The following SULT1B1 variants were observed in gnomAD, a reference collection of about 807,000 sequenced individuals.
SULT1B1 encodes sulfotransferase family 1B member 1.
In SULT1B1, 28 loss-of-function variants were observed where a neutral mutation model predicts 34.6. That is an observed-to-expected ratio of 0.81 (90% CI 0.60 to 1.11). SULT1B1 has a LOEUF of 1.11. Among genes scored for constraint, SULT1B1 ranks in the 50% least tolerant of loss-of-function variants. The pLI, the probability that SULT1B1 is intolerant of heterozygous loss-of-function variation, is 0.00. For missense variants in SULT1B1, 374 were observed against 352.2 expected (o/e 1.06, Z -0.50); for synonymous variants, 147 against 110.2 (o/e 1.33, Z -2.09).
At chr4:69,759,019 A>T (rs1373271815) in intron 1 of SULT1B1, among the ~76,000 whole-genome samples, 2 of 152,208 alleles carry the variant, frequency 1.3e-5, no homozygotes, top group Non-Finnish European at 2.9e-5. Context: ...TTAAAACTTG[A>T]GCAAATGACT....
chr4:69,746,625 T>C (rs890239489), intron 4 of SULT1B1, among the ~76,000 whole-genome samples: 5 of 152,232 alleles, frequency 3.3e-5, no homozygotes, highest in African/African-American at 9.6e-5. Flanking sequence ...ATTCCTTGGA[T>C]TGGGTTTCAA....
In SULT1B1 at chr4:69,725,082, G is replaced by T. The variant is rs371574426; in HGVS notation, c.*2006C>A. ...AAGAAACTACCATCAGCGTGAACAGGCAACCTACAGAATGGGAGAAAATTT... is the reference window on the plus strand; with the variant it reads ...AAGAAACTACCATCAGCGTGAACAGTCAACCTACAGAATGGGAGAAAATTT... On this transcript the variant is annotated 3_prime_UTR_variant, in exon 8 of 8. Coordinates refer to ENST00000310613, the MANE Select transcript of SULT1B1 (RefSeq NM_014465.4). 2 of 147,050 alleles carry T rather than the reference G, an allele frequency of 1.4e-5. No individual in the cohort carries two copies. Among genetic ancestry groups the T allele is most frequent in the African/African-American group, 5.5e-5 (2 of 36,684 alleles). 9.1% of individuals were successfully genotyped at this position (147,050 alleles called of 1,614,324 possible).
At chr4:69,747,132 A>C (rs760422314) in intron 4 of SULT1B1, among the ~76,000 whole-genome samples, 7 of 152,142 alleles carry the variant, frequency 4.6e-5, no homozygotes, top group Non-Finnish European at 8.8e-5. Context: ...ATGCTGGCAA[A>C]AGTGCTTCAG....
At chr4:69,735,178 C>T (rs1052372045) in intron 4 of SULT1B1, among the ~76,000 whole-genome samples, 2 of 152,110 alleles carry the variant, frequency 1.3e-5, no homozygotes, top group Non-Finnish European at 1.5e-5. Flanking sequence ...GATACAAGAA[C>T]TCCAAAAGCA....
At position 69,733,522 on chromosome 4, in the gene SULT1B1, A is replaced by G. The variant is rs4149415; in HGVS notation, c.503-15T>C. ...ACCATAGGCCACTAAAACCAGATAA[A>G]AGTCTATTTTCATAAACATTCATCA... On this transcript the variant is annotated splice_polypyrimidine_tract_variant and intron_variant, in intron 5 of 7. Coordinates refer to ENST00000310613, the MANE Select transcript of SULT1B1 (RefSeq NM_014465.4). 90,172 of 1,546,768 alleles carry G rather than the reference A, an allele frequency of 0.058. 2,806 individuals are homozygous for G. The highest frequency in any genetic ancestry group is 0.089 in the East Asian group (3,834 of 42,904).
At chr4:69,759,384 G>T (rs1719311473) in intron 1 of SULT1B1, among the ~76,000 whole-genome samples, 1 of 152,176 alleles carries the variant, frequency 6.6e-6, no homozygotes, top group South Asian at 2.1e-4. Context: ...AATTGGAAGG[G>T]ATTTTTGCTT....
In SULT1B1 at chr4:69,722,810, C is replaced by T. The variant is rs1253508064; in HGVS notation, c.*4278G>A. On this transcript the variant is annotated 3_prime_UTR_variant, in exon 8 of 8. Coordinates refer to ENST00000310613, the MANE Select transcript of SULT1B1 (RefSeq NM_014465.4). Reference sequence around the variant, plus strand: ...GTCAAAATACGATAAGCCATAGCTACCTCAGTTGTGGCTCAGAAAGTCTAA... The same window carrying T: ...GTCAAAATACGATAAGCCATAGCTATCTCAGTTGTGGCTCAGAAAGTCTAA... The T allele has an allele frequency of 6.6e-6, 1 of 152,070 alleles. No individual in the cohort carries two copies. The highest frequency in any genetic ancestry group is 1.5e-5 in the Non-Finnish European group (1 of 68,048). 9.4% of individuals were successfully genotyped at this position (152,070 alleles called of 1,614,324 possible).
At chr4:69,740,135 C>T (rs989739610) in intron 4 of SULT1B1, among the ~76,000 whole-genome samples, 2 of 152,224 alleles carry the variant, frequency 1.3e-5, no homozygotes, top group African/African-American at 4.8e-5. Context: ...CAGCCCATTA[C>T]CCAGTTCCAA....
At chr4:69,727,759 A>T (rs1309008695) in intron 7 of SULT1B1, among the ~76,000 whole-genome samples, 5 of 152,012 alleles carry the variant, frequency 3.3e-5, no homozygotes, top group Admixed American at 3.3e-4. Context: ...TTAGGTGGGA[A>T]TAATAACATT....
Position 69,725,765 on chromosome 4 carries a change from G to T in SULT1B1, c.*1323C>A, listed in dbSNP as rs1007899806. ...AAACCATACTTTTCAGCAAACTATT[G>T]CAAGAACAAAAAAACCAAACACCTC... On this transcript the variant is annotated 3_prime_UTR_variant, in exon 8 of 8. Coordinates refer to ENST00000310613, the MANE Select transcript of SULT1B1 (RefSeq NM_014465.4). 1 of 151,366 alleles carries T rather than the reference G, an allele frequency of 6.6e-6. No individual in the cohort carries two copies. Among genetic ancestry groups the T allele is most frequent in the Non-Finnish European group, 1.5e-5 (1 of 67,872 alleles). 9.4% of individuals were successfully genotyped at this position (151,366 alleles called of 1,614,324 possible).
intron 4 of SULT1B1, among the ~76,000 whole-genome samples, chr4:69,737,531 T>C: frequency 1.3e-5 from 2 of 152,346 alleles, no homozygotes; most frequent in Admixed American, 1.3e-4. Flanking sequence ...GTTCAGTTTA[T>C]GTACAGGATC....
In SULT1B1 at chr4:69,725,054, C is replaced by A. The variant is rs1294102313; in HGVS notation, c.*2034G>T. Reference sequence around the variant, plus strand: ...ATTAAACTAAAGAGCTTCTGCACAGCAAAAGAAACTACCATCAGCGTGAAC... The same window carrying A: ...ATTAAACTAAAGAGCTTCTGCACAGAAAAAGAAACTACCATCAGCGTGAAC... On this transcript the variant is annotated 3_prime_UTR_variant, in exon 8 of 8. Transcript: ENST00000310613. 1.3e-5 allele frequency: 2 copies of A among 151,354 alleles called. No individual in the cohort carries two copies. The allele number at this position is 151,354 out of a possible 1,614,324, so 9.4% of individuals were successfully genotyped here.
At chr4:69,738,613 T>C (rs187356428) in intron 4 of SULT1B1, among the ~76,000 whole-genome samples, 1 of 152,232 alleles carries the variant, frequency 6.6e-6, no homozygotes, top group African/African-American at 2.4e-5. Context: ...GAAGATGAGA[T>C]TTGGGTAGGA....
intron 4 of SULT1B1, among the ~76,000 whole-genome samples, chr4:69,739,174 T>C (rs538746305): frequency 6.6e-6 from 1 of 152,298 alleles, no homozygotes; most frequent in African/African-American, 2.4e-5. Context: ...GTCTGGGGGA[T>C]GGTGGCCCTC....
chr4:69,754,518 G>C (rs745392128), intron 3 of SULT1B1, 152 bp downstream of exon 3: 3 of 654,676 alleles, frequency 4.6e-6, no homozygotes, highest in African/African-American at 1.9e-5. Context: ...TAAAAATAAA[G>C]TTTCTTCTTA....
At position 69,734,309 on chromosome 4, in the gene SULT1B1, C is replaced by T. The variant is rs756418061; in HGVS notation, c.376-45G>A. On this transcript the variant is annotated intron_variant, in intron 4 of 7. Coordinates refer to ENST00000310613, the MANE Select transcript of SULT1B1 (RefSeq NM_014465.4). ...TAGGAGAAAAAAATAAGATAAAAGA[C>T]ATTTTGTTTAGGAAAAAATTAACCT... The T allele has an allele frequency of 1.0e-5, 16 of 1,579,388 alleles. No individual in the cohort carries two copies. The Admixed American group carries it at 3.0e-4, about 29-fold the overall frequency.
intron 4 of SULT1B1, among the ~76,000 whole-genome samples, chr4:69,748,781 GATAAA>G (rs1321069237): frequency 6.6e-6 from 1 of 152,084 alleles, no homozygotes; most frequent in Non-Finnish European, 1.5e-5. Flanking sequence ...GGAAATTTCA[GATAAA>G]ATAAAAATGT....
intron 4 of SULT1B1, among the ~76,000 whole-genome samples, chr4:69,739,110 T>A (rs1384755583): frequency 6.6e-6 from 1 of 152,198 alleles, no homozygotes; most frequent in Non-Finnish European, 1.5e-5. Context: ...GTGTTGAGTG[T>A]GTACAGCTTT....
chr4:69,745,754 C>T (rs955767898), intron 4 of SULT1B1, among the ~76,000 whole-genome samples: 19 of 152,112 alleles, frequency 1.2e-4, no homozygotes, highest in African/African-American at 3.1e-4. Flanking sequence ...TGTAATTGTG[C>T]TGTCAGATGG....
Sources: gnomAD v4.1 joint callset for allele counts (sites outside exome capture counted in the v4.1 genomes callset) on GRCh38, gnomAD v4.1.1 for gene constraint, MANE v1.5 for transcripts, NCBI Gene and HGNC (gene_info 2026-07-23, HGNC 2026-07-21) for gene names.